The following SOX5 variants were observed in gnomAD, a reference collection of about 807,000 sequenced individuals.
The protein encoded by SOX5 is SRY-box transcription factor 5, also known as transcription factor SOX-5.
Under a neutral mutation model 92.0 loss-of-function variants are expected in SOX5, and 9 were observed. That is an observed-to-expected ratio of 0.10 (90% confidence interval 0.06 to 0.17). The LOEUF (loss-of-function observed/expected upper bound fraction) is 0.17, where lower values mean the gene tolerates loss of function less well. Among genes scored for constraint, SOX5 ranks in the 10% least tolerant of loss-of-function variants. The probability of loss-of-function intolerance (pLI) is 1.00; values close to 1 mark genes in which losing one functional copy is unlikely to be tolerated. For missense variants in SOX5, 642 were observed against 944.5 expected, an observed-to-expected ratio of 0.68 and a Z score of 4.20; for synonymous variants, 344 against 336.3, an observed-to-expected ratio of 1.02 and a Z score of -0.25.
At chr12:24,493,437 C>T (rs1947292619) in intron 1 of SOX5, among the ~76,000 whole-genome samples, 1 of 152,000 alleles carries the variant, frequency 6.6e-6, no homozygotes, top group African/African-American at 2.4e-5. Flanking sequence ...TGTATTAAAA[C>T]TGGTTCATTA....
intron 2 of SOX5, among the ~76,000 whole-genome samples, chr12:24,296,457 T>C (rs1565850797): frequency 6.6e-6 from 1 of 152,180 alleles, no homozygotes; most frequent in African/African-American, 2.4e-5. Flanking sequence ...TCCGAATAGA[T>C]CTAGCCATGG....
chr12:24,001,326 A>C (rs1951588939), intron 4 of SOX5, among the ~76,000 whole-genome samples: 1 of 152,090 alleles, frequency 6.6e-6, no homozygotes, highest in African/African-American at 2.4e-5. Context: ...TTCTGAACCC[A>C]ACTGATCCTC....
At chr12:23,629,083 C>T (rs1293058892) in intron 8 of SOX5, among the ~76,000 whole-genome samples, 2 of 151,946 alleles carry the variant, frequency 1.3e-5, no homozygotes, top group Admixed American at 6.6e-5. Flanking sequence ...AGATATGAAA[C>T]AGCACGCTTC....
chr12:24,044,224 T>A (rs1475620287), intron 4 of SOX5, among the ~76,000 whole-genome samples: 1 of 152,222 alleles, frequency 6.6e-6, no homozygotes, highest in African/African-American at 2.4e-5. Context: ...CTCCTATATG[T>A]GTATGACAAC....
chr12:24,188,531 A>C (rs1404842335), intron 4 of SOX5, among the ~76,000 whole-genome samples: 20 of 152,204 alleles, frequency 1.3e-4, no homozygotes, highest in Admixed American at 1.3e-3. Context: ...TTAAAGGGTA[A>C]CAGTAATGTA....
intron 4 of SOX5, among the ~76,000 whole-genome samples, chr12:23,972,422 A>G (rs1010708157): frequency 1.3e-5 from 2 of 151,948 alleles, no homozygotes; most frequent in Non-Finnish European, 2.9e-5. Context: ...CAGTGGTGCA[A>G]TCTCTGCTCA....
At chr12:24,218,287 A>G (rs1422070729) in intron 3 of SOX5, among the ~76,000 whole-genome samples, 1 of 152,232 alleles carries the variant, frequency 6.6e-6, no homozygotes, top group Non-Finnish European at 1.5e-5. Context: ...TTACAGTGAA[A>G]TATTATTCAG....
intron 4 of SOX5, among the ~76,000 whole-genome samples, chr12:24,053,428 C>T (rs189740385): frequency 7.1e-4 from 108 of 152,074 alleles, no homozygotes; most frequent in Admixed American, 2.0e-3. Context: ...CCGCGCCTGG[C>T]CCCGTACTCT....
intron 1 of SOX5, among the ~76,000 whole-genome samples, chr12:24,518,672 A>G (rs372728479): frequency 3.9e-5 from 6 of 152,278 alleles, no homozygotes; most frequent in Admixed American, 2.0e-4. Flanking sequence ...AAAATAGGTA[A>G]GAGAATGCGC....
intron 2 of SOX5, among the ~76,000 whole-genome samples, chr12:24,305,615 G>A (rs1948476257): frequency 6.6e-6 from 1 of 151,686 alleles, no homozygotes; most frequent in South Asian, 2.1e-4. Context: ...GGTTTTTTTT[G>A]GAGACAGAGT....
chr12:23,709,970 A>G (rs2091874761), intron 6 of SOX5, among the ~76,000 whole-genome samples: 2 of 152,184 alleles, frequency 1.3e-5, no homozygotes, highest in South Asian at 4.1e-4. Context: ...AGTGAAAAGG[A>G]ATGGACTGTT....
chr12:23,985,543 A>G (rs112217410), intron 4 of SOX5, among the ~76,000 whole-genome samples: 1 of 152,334 alleles, frequency 6.6e-6, no homozygotes, highest in East Asian at 1.9e-4. Flanking sequence ...CCCACAATAC[A>G]TGACCAAAAG....
intron 3 of SOX5, among the ~76,000 whole-genome samples, chr12:23,778,698 G>A (rs866671230): frequency 1.3e-5 from 2 of 152,288 alleles, no homozygotes; most frequent in South Asian, 4.1e-4. Context: ...ACTGGATGAC[G>A]TGGTCCTGTG....
chr12:23,845,909 C>G (rs1594991471), intron 3 of SOX5, 74 bp downstream of exon 3: 1 of 1,247,926 alleles, frequency 8.0e-7, no homozygotes, highest in East Asian at 2.3e-5. Flanking sequence ...AATCAAAAAA[C>G]AAATCAAGAA....
chr12:23,783,773 G>C (rs1044987397), intron 3 of SOX5, among the ~76,000 whole-genome samples: 1 of 152,052 alleles, frequency 6.6e-6, no homozygotes, highest in African/African-American at 2.4e-5. Flanking sequence ...ATGTTTAATT[G>C]ACATGGAACT....
At chr12:23,919,007 C>G (rs1280345794) in intron 1 of SOX5, among the ~76,000 whole-genome samples, 2 of 151,456 alleles carry the variant, frequency 1.3e-5, no homozygotes, top group Non-Finnish European at 2.9e-5. Flanking sequence ...AAAAATCACA[C>G]TAAAAATCAG....
chr12:23,651,786 A>T (rs2081597085), intron 7 of SOX5, among the ~76,000 whole-genome samples: 1 of 151,966 alleles, frequency 6.6e-6, no homozygotes, highest in Non-Finnish European at 1.5e-5. Context: ...TAGATGCTCA[A>T]TTAAAAAAAT....
intron 4 of SOX5, among the ~76,000 whole-genome samples, chr12:24,046,604 A>T (rs982684480): frequency 6.6e-6 from 1 of 152,152 alleles, no homozygotes; most frequent in African/African-American, 2.4e-5. Context: ...TAATTATGAA[A>T]AAGTAAAACA....
At position 23,940,845 on chromosome 12, in the gene SOX5, A is replaced by G. The variant is rs12310850; in HGVS notation, c.38+8719T>C. On this transcript the variant is annotated intron_variant, in intron 1 of 14. Transcript: ENST00000451604. Reference sequence around the variant, plus strand: ...AACACTCAACTTTCATATTATCTCAACCTAAAACCTCAAATATCCCCAAAT... The same window carrying G: ...AACACTCAACTTTCATATTATCTCAGCCTAAAACCTCAAATATCCCCAAAT... Among the ~76,000 whole-genome samples the G allele has an allele frequency of 4.0e-5, 6 of 150,670 alleles. No individual in the cohort carries two copies. The East Asian group carries it at 5.8e-4, about 15-fold the overall frequency.
Sources: allele counts gnomAD v4.1 joint callset (sites outside exome capture counted in the v4.1 genomes callset), GRCh38; gene constraint gnomAD v4.1.1; transcripts MANE v1.5; gene names NCBI Gene and HGNC (gene_info 2026-07-23, HGNC 2026-07-21).